MAST1: variants seen among roughly 807,000 people sequenced by gnomAD.
The protein encoded by MAST1 is microtubule-associated serine/threonine-protein kinase 1.
Under a neutral mutation model 124.6 loss-of-function variants are expected in MAST1, and 40 were observed. That is an observed-to-expected ratio of 0.32 (90% CI 0.25 to 0.42). The LOEUF (loss-of-function observed/expected upper bound fraction) is 0.42. Ranked by LOEUF, MAST1 falls within the 10% of genes least tolerant of loss-of-function variation. The probability of loss-of-function intolerance (pLI) is 1.00; values close to 1 mark genes in which losing one functional copy is unlikely to be tolerated. For missense variants in MAST1, 1,558 were observed against 2,181.9 expected (o/e 0.71, Z 5.70); for synonymous variants, 938 against 939.4 (o/e 1.00, Z 0.03).
chr19:12,851,694 C>T (rs1040497041), intron 7 of MAST1, among the ~76,000 whole-genome samples: 2 of 152,136 alleles, frequency 1.3e-5, no homozygotes, highest in Non-Finnish European at 2.9e-5. Flanking sequence ...CCATGTTGGC[C>T]AGGCTGGTTT....
In MAST1 at chr19:12,847,725, C is replaced by A. The variant is rs1457422445; in HGVS notation, c.564+38C>A. 1 of 1,604,370 alleles carries A rather than the reference C, an allele frequency of 6.2e-7. No homozygotes were observed. Among genetic ancestry groups the A allele is most frequent in the African/African-American group, 1.3e-5 (1 of 74,788 alleles). ...CCGAGGCGGTCACGGGGTGACCAGGCGGCCTGCACTCTCGCTCGCCTTATC... is the reference window on the plus strand; with the variant it reads ...CCGAGGCGGTCACGGGGTGACCAGGAGGCCTGCACTCTCGCTCGCCTTATC... On this transcript the variant is annotated intron_variant, in intron 6 of 25. Coordinates refer to ENST00000251472, the MANE Select transcript of MAST1 (RefSeq NM_014975.3). The surrounding 1 kb of genome is among the most constrained non-coding windows in gnomAD (Gnocchi z 5.5).
intron 13 of MAST1, 44 bp downstream of exon 13, chr19:12,864,991 GC>G (rs1970133749): frequency 6.2e-7 from 1 of 1,613,664 alleles, no homozygotes; most frequent in Admixed American, 1.7e-5. Flanking sequence ...CCCTCGGGAG[GC>G]CAGGAGGCAG....
intron 13 of MAST1, 32 bp downstream of exon 13, chr19:12,864,979 G>T (rs1387810512): frequency 6.2e-7 from 1 of 1,613,702 alleles, no homozygotes; most frequent in Non-Finnish European, 8.5e-7. Flanking sequence ...CACTCCCTCT[G>T]TCCCTCGGGA....
chr19:12,849,170 C>A (rs1296784648), intron 7 of MAST1, among the ~76,000 whole-genome samples: 1 of 151,998 alleles, frequency 6.6e-6, no homozygotes, highest in Non-Finnish European at 1.5e-5. Flanking sequence ...ACTGCTGTGT[C>A]CCTGCTGTTT....
At chr19:12,859,201 T>C (rs1180455875) in intron 12 of MAST1, among the ~76,000 whole-genome samples, 3 of 152,112 alleles carry the variant, frequency 2.0e-5, no homozygotes, top group Non-Finnish European at 4.4e-5. Flanking sequence ...TGCCTCAGCC[T>C]CCCGAGTAGC....
At chr19:12,868,103 ATTTTT>A (rs34988246) in intron 20 of MAST1, 126 bp downstream of exon 20, 847 of 321,142 alleles carry the variant, frequency 2.6e-3, no homozygotes, top group Middle Eastern at 3.2e-3. Context: ...GCAATTTGGG[ATTTTT>A]TTTTTTTTTT....
Position 12,865,380 on chromosome 19 carries a change from T to G in MAST1, c.1703T>G (p.Val568Gly). 6.2e-7 allele frequency: 1 copy of G among 1,612,278 alleles called. No individual in the cohort carries two copies. Among genetic ancestry groups the G allele is most frequent in the Non-Finnish European group, 8.5e-7 (1 of 1,179,102 alleles). ...VILRQGYGKP[V>G]DWWAMGIILY... ...CTGCGTCAAGGCTACGGCAAGCCAG[T>G]GGACTGGTGGGCTATGGGGATCATC... Residue 568 changes from valine (V) to glycine (G), a missense_variant, in exon 15 of 26, where the codon GTG becomes GGG. This residue lies in a region of MAST1 where 145 missense variants were observed against 350.0 expected (regional missense o/e 0.41). Coordinates refer to ENST00000251472, the MANE Select transcript of MAST1 (RefSeq NM_014975.3). The surrounding 1 kb of genome is among the most constrained non-coding windows in gnomAD (Gnocchi z 7.1).
intron 10 of MAST1, among the ~76,000 whole-genome samples, chr19:12,856,512 C>G (rs1970019534): frequency 6.6e-6 from 1 of 152,134 alleles, no homozygotes; most frequent in Non-Finnish European, 1.5e-5. Context: ...CCATGTTGGC[C>G]AGGCTGGTCT....
Position 12,847,818 on chromosome 19 carries a change from C to G in MAST1, c.565-30C>G. On this transcript the variant is annotated intron_variant, in intron 6 of 25. Coordinates refer to ENST00000251472, the MANE Select transcript of MAST1 (RefSeq NM_014975.3). The surrounding 1 kb of genome is among the most constrained non-coding windows in gnomAD (Gnocchi z 5.5). ...TGGCGGCCGCAGCCTTCGGGCACAG[C>G]CCCGCGCCCCTCCTCCGTCCCTCCC... 6.3e-7 allele frequency: 1 copy of G among 1,589,146 alleles called. No homozygotes were observed. Among genetic ancestry groups the G allele is most frequent in the Non-Finnish European group, 8.6e-7 (1 of 1,165,990 alleles).
intron 20 of MAST1, 87 bp from the exon 21 acceptor site, chr19:12,868,556 G>T: frequency 8.2e-7 from 1 of 1,223,168 alleles, no homozygotes; most frequent in Non-Finnish European, 1.1e-6. Flanking sequence ...AGGGTAAAAA[G>T]TGGAAAGAGC....
chr19:12,861,983 G>A (rs193254320), intron 12 of MAST1, among the ~76,000 whole-genome samples: 6 of 148,930 alleles, frequency 4.0e-5, no homozygotes, highest in Non-Finnish European at 8.9e-5. Flanking sequence ...TTACAGGAGT[G>A]AGCCACCGTG....
chr19:12,869,274 T>C lies in MAST1; in HGVS notation c.2982T>C (p.Tyr994=), dbSNP rs375524693. 3.3e-5 allele frequency: 53 copies of C among 1,613,740 alleles called. No homozygotes were observed. The highest frequency in any genetic ancestry group is 4.5e-5 in the Non-Finnish European group (53 of 1,179,864). Residue 994 remains tyrosine (Y), a synonymous_variant, in exon 22 of 26, where the codon TAT becomes TAC. Transcript: ENST00000251472. ...TCTACATGGGTGACACGGATGTCTA[T>C]AGTGTCCACCACATTGTCTGGGTGA... ...IRVYMGDTDV[Y]SVHHIVWHVE...
chr19:12,848,644 A>G (rs1969926200), intron 7 of MAST1: 2 of 149,666 alleles, frequency 1.3e-5, no homozygotes, highest in Non-Finnish European at 3.0e-5. Context: ...AATAATAGTA[A>G]ATAAAATAAA....
Position 12,874,818 on chromosome 19 carries a change from C to A in MAST1, c.4661C>A (p.Pro1554Gln). ...TSRCPAEAVP[P>Q]AGLTKKGVSS... ...CGGTGCCCTGCTGAAGCTGTGCCCC[C>A]AGCAGGCCTGACCAAAAAAGGAGTG... is the stretch of plus-strand genomic sequence containing the variant. The change falls in exon 26 of 26, where the codon CCA becomes CAA. Residue 1554 changes from proline (P) to glutamine (Q), a missense_variant. Coordinates refer to ENST00000251472, the MANE Select transcript of MAST1 (RefSeq NM_014975.3). The surrounding 1 kb of genome is among the most constrained non-coding windows in gnomAD (Gnocchi z 6.6). The A allele has an allele frequency of 1.3e-6, 2 of 1,599,482 alleles. No homozygotes were observed. Among genetic ancestry groups the A allele is most frequent in the East Asian group, 2.3e-5 (1 of 44,372 alleles).
chr19:12,866,819 G>A lies in MAST1; in HGVS notation c.2139+57G>A. The A allele has an allele frequency of 1.4e-6, 2 of 1,405,900 alleles. No homozygotes were observed. The highest frequency in any genetic ancestry group is 2.0e-6 in the Non-Finnish European group (2 of 1,007,378). The allele number at this position is 1,405,900 out of a possible 1,614,324, so 87.1% of individuals were successfully genotyped here. ...GACCCCAGGAGGGATGGGGCTTGGAGAGACAGTGAGAAACAGGTTCCCTGG... is the reference window on the plus strand; with the variant it reads ...GACCCCAGGAGGGATGGGGCTTGGAAAGACAGTGAGAAACAGGTTCCCTGG... On this transcript the variant is annotated intron_variant, in intron 18 of 25. Transcript: ENST00000251472. The surrounding 1 kb of genome is among the most constrained non-coding windows in gnomAD (Gnocchi z 5.2).
At chr19:12,863,989 A>G (rs1970118457) in intron 12 of MAST1, among the ~76,000 whole-genome samples, 1 of 145,994 alleles carries the variant, frequency 6.8e-6, no homozygotes, top group Admixed American at 7.1e-5. Context: ...CAGTGGTGCG[A>G]TCTTGGATCT....
chr19:12,862,396 A>G (rs983534061), intron 12 of MAST1, among the ~76,000 whole-genome samples: 18 of 152,180 alleles, frequency 1.2e-4, no homozygotes, highest in Non-Finnish European at 4.4e-5. Context: ...GGCTCAAGCA[A>G]TCCTCCCACC....
chr19:12,853,103 TG>T (rs1568409929), intron 10 of MAST1, among the ~76,000 whole-genome samples: 1 of 150,674 alleles, frequency 6.6e-6, no homozygotes, highest in Non-Finnish European at 1.5e-5. Context: ...CCCGAGTAGC[TG>T]GGATTACAGG....
At chr19:12,870,456 A>C (rs1970217474) in intron 22 of MAST1, among the ~76,000 whole-genome samples, 2 of 146,010 alleles carry the variant, frequency 1.4e-5, no homozygotes, top group Admixed American at 1.4e-4. Context: ...GCGCCACTGC[A>C]CTCCAGCCTG....
Sources: gnomAD v4.1 joint callset for allele counts (sites outside exome capture counted in the v4.1 genomes callset) on GRCh38, gnomAD v4.1.1 for gene constraint, gnomAD v4.1.1 regional missense constraint, Gnocchi (gnomAD v3.1) non-coding constraint, MANE v1.5 for transcripts, NCBI Gene and HGNC (gene_info 2026-07-23, HGNC 2026-07-21) for gene names.